Variants in GRIN2A observed in about 807,000 individuals in gnomAD.
GRIN2A encodes glutamate receptor ionotropic, NMDA 2A.
A neutral mutation model predicts 113.4 loss-of-function variants in GRIN2A; 22 were observed. The observed-to-expected ratio is 0.19, with a 90% CI of 0.14 to 0.28. GRIN2A has a LOEUF of 0.28. Ranked by LOEUF, GRIN2A falls within the 10% of genes least tolerant of loss-of-function variation. GRIN2A has a pLI of 1.00. For missense variants in GRIN2A, 1,502 were observed against 1,887.0 expected, an observed-to-expected ratio of 0.80 and a Z score of 3.78; for synonymous variants, 827 against 738.4, an observed-to-expected ratio of 1.12 and a Z score of -1.94.
chr16:10,156,038 G>C (rs1400005940), intron 2 of GRIN2A, among the ~76,000 whole-genome samples: 1 of 152,206 alleles, frequency 6.6e-6, no homozygotes, highest in East Asian at 1.9e-4. Flanking sequence ...TAAGTGGTAG[G>C]AGGGACCCTG....
chr16:9,912,658 G>A (rs1402311141), intron 3 of GRIN2A, among the ~76,000 whole-genome samples: 1 of 151,960 alleles, frequency 6.6e-6, no homozygotes, highest in Non-Finnish European at 1.5e-5. Flanking sequence ...CTGCATAATG[G>A]GGATAATAAA....
At chr16:10,057,462 T>C (rs762830012) in intron 2 of GRIN2A, among the ~76,000 whole-genome samples, 8 of 152,012 alleles carry the variant, frequency 5.3e-5, no homozygotes, top group Non-Finnish European at 1.0e-4. Flanking sequence ...ATATAGACAA[T>C]AAATAAATCA....
chr16:10,083,242 G>A (rs1427879504), intron 2 of GRIN2A, among the ~76,000 whole-genome samples: 3 of 152,214 alleles, frequency 2.0e-5, no homozygotes, highest in Non-Finnish European at 4.4e-5. Flanking sequence ...TCTGTGACAG[G>A]TGTGCAAGGC....
chr16:10,151,751 A>C (rs2049580126), intron 2 of GRIN2A, among the ~76,000 whole-genome samples: 1 of 152,090 alleles, frequency 6.6e-6, no homozygotes, highest in African/African-American at 2.4e-5. Flanking sequence ...AAATCCATTA[A>C]CTTAGTCTCT....
chr16:10,154,025 A>C lies in GRIN2A; in HGVS notation c.414+25973T>G, dbSNP rs142107673. On this transcript the variant is annotated intron_variant, in intron 2 of 12. Coordinates refer to ENST00000330684, the MANE Select transcript of GRIN2A (RefSeq NM_001134407.3). ...AGAGAGGGTTCCTGTGCATTCATTA[A>C]TGCTGTCCACCCCACAGTCCAGTTT... Among the ~76,000 whole-genome samples the C allele has an allele frequency of 4.7e-4, 71 of 152,272 alleles. No homozygotes were observed. In the East Asian group the frequency reaches 0.013, roughly 27 times the overall value.
chr16:9,828,703 C>T (rs1391773599), intron 9 of GRIN2A, among the ~76,000 whole-genome samples: 1 of 152,100 alleles, frequency 6.6e-6, no homozygotes, highest in African/African-American at 2.4e-5. Context: ...AACCCTGCAA[C>T]CCTTGTTATA....
intron 10 of GRIN2A, among the ~76,000 whole-genome samples, chr16:9,806,095 G>T (rs186002762): frequency 1.2e-4 from 18 of 152,276 alleles, no homozygotes; most frequent in African/African-American, 4.1e-4. Context: ...TTAATTCCTC[G>T]ATCGATGTCT....
At chr16:9,780,639 C>T (rs1265011779) in intron 11 of GRIN2A, among the ~76,000 whole-genome samples, 1 of 152,080 alleles carries the variant, frequency 6.6e-6, no homozygotes, top group East Asian at 1.9e-4. Context: ...GTGGGAGTTG[C>T]ACAGCTGTAC....
chr16:9,893,461 G>A (rs1251244713), intron 3 of GRIN2A, among the ~76,000 whole-genome samples: 1 of 151,582 alleles, frequency 6.6e-6, no homozygotes, highest in Non-Finnish European at 1.5e-5. Context: ...TTTGTTTTTT[G>A]TTTTTATTTT....
chr16:9,801,006 G>A (rs888187813), intron 10 of GRIN2A, among the ~76,000 whole-genome samples: 4 of 152,210 alleles, frequency 2.6e-5, no homozygotes, highest in Non-Finnish European at 4.4e-5. Context: ...TAGGATGATG[G>A]TGCAACCTCA....
chr16:10,138,193 G>A (rs1261149174), intron 2 of GRIN2A, among the ~76,000 whole-genome samples: 4 of 152,246 alleles, frequency 2.6e-5, no homozygotes, highest in Admixed American at 6.5e-5. Context: ...ATATAAGTGT[G>A]TGAGATGGTT....
intron 2 of GRIN2A, among the ~76,000 whole-genome samples, chr16:10,144,971 T>C (rs774255836): frequency 7.1e-4 from 82 of 116,274 alleles, no homozygotes; most frequent in Non-Finnish European, 1.3e-3. Flanking sequence ...AAATGTGACA[T>C]ATTTATACAA....
chr16:10,105,233 C>T lies in GRIN2A; in HGVS notation c.414+74765G>A, dbSNP rs182966732. 2.8e-3 allele frequency among the ~76,000 whole-genome samples: 422 copies of T among 152,224 alleles called. 1 individual carries two copies. The highest frequency in any genetic ancestry group is 4.4e-3 in the Non-Finnish European group (298 of 68,004). ...GATCCTCACCCAGCAATGCTGACCA[C>T]GACCATTAAAACATGAAGCCCACCC... On this transcript the variant is annotated intron_variant, in intron 2 of 12. Transcript: ENST00000330684.
chr16:9,772,286 G>A (rs1018686481), intron 11 of GRIN2A, among the ~76,000 whole-genome samples: 3 of 152,122 alleles, frequency 2.0e-5, no homozygotes, highest in Non-Finnish European at 2.9e-5. Flanking sequence ...AGACCTGCAC[G>A]GCTGCTTCCT....
chr16:9,796,704 G>A (rs141158683), intron 11 of GRIN2A, among the ~76,000 whole-genome samples: 10 of 152,328 alleles, frequency 6.6e-5, no homozygotes, highest in South Asian at 2.1e-4. Flanking sequence ...GCAGAAACAC[G>A]TGTGGAGCAG....
chr16:10,165,593 T>TC (rs2142338674), intron 2 of GRIN2A, among the ~76,000 whole-genome samples: 1 of 146,186 alleles, frequency 6.8e-6, no homozygotes, highest in South Asian at 2.2e-4. Flanking sequence ...TTTAAAATGA[T>TC]CCAGCAGTGG....
At chr16:10,044,663 C>T (rs988344674) in intron 2 of GRIN2A, among the ~76,000 whole-genome samples, 2 of 149,704 alleles carry the variant, frequency 1.3e-5, no homozygotes, top group Admixed American at 1.3e-4. Flanking sequence ...ACTAGATGCT[C>T]AATAAATGTT....
intron 2 of GRIN2A, among the ~76,000 whole-genome samples, chr16:10,026,725 T>C (rs1252203270): frequency 6.6e-6 from 1 of 152,134 alleles, no homozygotes; most frequent in Admixed American, 6.5e-5. Context: ...CAGGAAAGCC[T>C]AGTAGCTCCA....
chr16:10,009,976 C>T (rs1193454929), intron 2 of GRIN2A, among the ~76,000 whole-genome samples: 2 of 152,330 alleles, frequency 1.3e-5, no homozygotes, highest in South Asian at 2.1e-4. Context: ...GCTGGCACAG[C>T]GTTGCACAGT....
Sources: allele counts gnomAD v4.1 joint callset (sites outside exome capture counted in the v4.1 genomes callset), GRCh38; gene constraint gnomAD v4.1.1; transcripts MANE v1.5; gene names NCBI Gene and HGNC (gene_info 2026-07-23, HGNC 2026-07-21).